The following FRMD6 variants were observed in gnomAD, a reference collection of about 807,000 sequenced individuals.
FRMD6 encodes the protein FERM domain-containing protein 6.
Under a neutral mutation model 73.2 loss-of-function variants are expected in FRMD6, and 37 were observed. The observed-to-expected ratio is 0.51, with a 90% confidence interval of 0.39 to 0.66. FRMD6 has a LOEUF of 0.66. Among genes scored for constraint, FRMD6 ranks in the 30% least tolerant of loss-of-function variants. FRMD6 has a pLI of 0.00. For synonymous variants in FRMD6, 273 were observed against 282.2 expected (o/e 0.97, Z 0.33); for missense variants, 714 against 780.5 (o/e 0.91, Z 1.02).
the FRMD6 span, among the ~76,000 whole-genome samples, chr14:51,459,269 G>A: frequency 2.6e-5 from 4 of 152,074 alleles, no homozygotes; most frequent in Admixed American, 2.6e-4. Context: ...GATGACCATT[G>A]GTGTCTCTGA....
In FRMD6 at chr14:51,689,750, G is replaced by A. The variant is rs1846267935; in HGVS notation, c.-87G>A. On this transcript the variant is annotated 5_prime_UTR_variant, in exon 2 of 14. Coordinates refer to ENST00000344768, the MANE Select transcript of FRMD6 (RefSeq NM_001267046.2). Reference sequence around the variant, plus strand: ...TCTCCTGCAGGGCGTGTGATGAGGAGGCGAGCTTGGCTTTGGAGTGCTGGG... The same window carrying A: ...TCTCCTGCAGGGCGTGTGATGAGGAAGCGAGCTTGGCTTTGGAGTGCTGGG... 1 of 793,758 alleles carries A rather than the reference G, an allele frequency of 1.3e-6. No homozygotes were observed. Among genetic ancestry groups the A allele is most frequent in the Non-Finnish European group, 2.3e-6 (1 of 437,184 alleles). 49.2% of individuals were successfully genotyped at this position (793,758 alleles called of 1,614,324 possible).
chr14:51,527,392 T>C (rs1885317159), intron 1 of FRMD6, among the ~76,000 whole-genome samples: 1 of 152,236 alleles, frequency 6.6e-6, no homozygotes, highest in Non-Finnish European at 1.5e-5. Flanking sequence ...CTAAACAGCT[T>C]GTCCCCAAAC....
Position 51,610,506 on chromosome 14 carries a change from G to C in FRMD6, c.-147+40096G>C, listed in dbSNP as rs1242622348. On this transcript the variant is annotated intron_variant, in intron 2 of 14. Transcript: ENST00000356218. ...TAAAAACAAATATTAGAAACCGAAGGAAAAATTGAAGGGGTTAAAAATGGG... is the reference window on the plus strand; with the variant it reads ...TAAAAACAAATATTAGAAACCGAAGCAAAAATTGAAGGGGTTAAAAATGGG... Among the ~76,000 whole-genome samples the C allele has an allele frequency of 8.8e-4, 134 of 151,962 alleles. 1 individual carries two copies. The highest frequency in any genetic ancestry group is 4.4e-5 in the Non-Finnish European group (3 of 68,010).
At chr14:51,658,651 G>C (rs1399307497) in intron 1 of FRMD6, among the ~76,000 whole-genome samples, 1 of 152,100 alleles carries the variant, frequency 6.6e-6, no homozygotes, top group Non-Finnish European at 1.5e-5. Flanking sequence ...ACTGAGAGCA[G>C]CAGTGAAATT....
intron 2 of FRMD6, among the ~76,000 whole-genome samples, chr14:51,595,266 A>G (rs1176387810): frequency 6.6e-6 from 1 of 152,232 alleles, no homozygotes; most frequent in Non-Finnish European, 1.5e-5. Context: ...AGGCTAAGGC[A>G]TTATTGACAG....
chr14:51,722,421 A>G (rs1394908895), intron 12 of FRMD6, among the ~76,000 whole-genome samples: 1 of 152,318 alleles, frequency 6.6e-6, no homozygotes, highest in East Asian at 1.9e-4. Context: ...CCTCCTTTTT[A>G]CAGATAAGTT....
intron 1 of FRMD6, among the ~76,000 whole-genome samples, chr14:51,525,349 A>T (rs1885192028): frequency 6.6e-6 from 1 of 151,422 alleles, no homozygotes; most frequent in South Asian, 2.1e-4. Context: ...GCTCACTGCA[A>T]CCTCCCCCTC....
At position 51,495,293 on chromosome 14, in the gene FRMD6, A is replaced by G. The variant is rs574394376; in HGVS notation, c.-210+5873A>G. On this transcript the variant is annotated intron_variant, in intron 1 of 14. Transcript: ENST00000356218. ...CATATTTCACCAATATTCTGTTCAC[A>G]ACAACCACTTATATATTCTCTAAGA... Among the ~76,000 whole-genome samples the G allele has an allele frequency of 2.6e-5, 4 of 152,334 alleles. No homozygotes were observed. In the South Asian group the frequency reaches 8.3e-4, roughly 32 times the overall value.
chr14:51,430,866 A>G, the FRMD6 span, among the ~76,000 whole-genome samples: 58,661 of 152,010 alleles, frequency 0.39, 11,767 homozygotes, highest in Non-Finnish European at 0.43. Context: ...GATGCTTCTT[A>G]TGGACTTAGG....
intron 2 of FRMD6, among the ~76,000 whole-genome samples, chr14:51,608,249 G>C (rs3890427): frequency 6.6e-6 from 1 of 151,908 alleles, no homozygotes; most frequent in East Asian, 1.9e-4. Context: ...GGGATCCTTT[G>C]CCAGAGAGAG....
At chr14:51,542,980 G>T (rs1402770812) in intron 1 of FRMD6, among the ~76,000 whole-genome samples, 3 of 151,964 alleles carry the variant, frequency 2.0e-5, no homozygotes, top group Non-Finnish European at 1.5e-5. Flanking sequence ...ACTTTTTGTT[G>T]TTGGGATATA....
At chr14:51,515,477 C>T (rs1177871653) in intron 1 of FRMD6, among the ~76,000 whole-genome samples, 1 of 152,212 alleles carries the variant, frequency 6.6e-6, no homozygotes, top group Admixed American at 6.5e-5. Context: ...TCTAGTGCAA[C>T]TGGTGCCCCC....
intron 2 of FRMD6, among the ~76,000 whole-genome samples, chr14:51,642,374 T>C (rs1375507560): frequency 1.3e-5 from 2 of 152,170 alleles, no homozygotes; most frequent in Non-Finnish European, 2.9e-5. Context: ...ACCCTGTCTC[T>C]ACTAATAATA....
chr14:51,483,447 A>G, the FRMD6 span, among the ~76,000 whole-genome samples: 1 of 152,240 alleles, frequency 6.6e-6, no homozygotes, highest in African/African-American at 2.4e-5. Flanking sequence ...GGAGTCTTGC[A>G]TGAACAGAAG....
At chr14:51,418,339 G>A in the FRMD6 span, among the ~76,000 whole-genome samples, 2 of 152,110 alleles carry the variant, frequency 1.3e-5, no homozygotes, top group Non-Finnish European at 2.9e-5. Context: ...ATGGGGTTTT[G>A]GTGTGGATGT....
chr14:51,400,541 T>TTGA, the FRMD6 span, among the ~76,000 whole-genome samples: 1 of 152,326 alleles, frequency 6.6e-6, no homozygotes, highest in African/African-American at 2.4e-5. Context: ...CTTTATCCAG[T>TTGA]CTTTCTAAAA....
At chr14:51,593,873 G>GTA (rs952723263) in intron 2 of FRMD6, among the ~76,000 whole-genome samples, 5 of 151,542 alleles carry the variant, frequency 3.3e-5, no homozygotes, top group Non-Finnish European at 7.4e-5. Context: ...ACATATATAT[G>GTA]TATATATATA....
Position 51,550,728 on chromosome 14 carries a change from C to A in FRMD6, c.-209-19620C>A, listed in dbSNP as rs904037875. On this transcript the variant is annotated intron_variant, in intron 1 of 14. Transcript: ENST00000356218. ...TGAACTGTAACTCTCCTACTCACTA[C>A]TTGTGTGATCTTGGCAATTTTCATC... Among the ~76,000 whole-genome samples, 4 of 152,038 alleles carry A rather than the reference C, an allele frequency of 2.6e-5. No individual in the cohort carries two copies. In the East Asian group the frequency reaches 7.7e-4, roughly 29 times the overall value.
intron 2 of FRMD6, among the ~76,000 whole-genome samples, chr14:51,593,616 C>T (rs1282417883): frequency 6.6e-6 from 1 of 152,166 alleles, no homozygotes; most frequent in Admixed American, 6.6e-5. Flanking sequence ...GTAGTGAGCA[C>T]ATGACTGTGC....
Sources: gnomAD v4.1 joint callset for allele counts (sites outside exome capture counted in the v4.1 genomes callset) on GRCh38, gnomAD v4.1.1 for gene constraint, MANE v1.5 for transcripts, NCBI Gene and HGNC (gene_info 2026-07-23, HGNC 2026-07-21) for gene names.